Variants in ANKS1B observed in about 807,000 individuals in gnomAD.
The protein encoded by ANKS1B is ankyrin repeat and sterile alpha motif domain containing 1B, also known as ankyrin repeat and sterile alpha motif domain-containing protein 1B.
In ANKS1B, 36 loss-of-function variants were observed where a neutral mutation model predicts 148.3. The ratio of observed to expected loss-of-function variants is 0.24; its 90% CI spans 0.19 to 0.32. ANKS1B has a LOEUF of 0.32. ANKS1B is among the 10% of genes least tolerant of loss of function. ANKS1B has a pLI of 1.00. For missense variants in ANKS1B, 1,157 were observed against 1,542.6 expected (o/e 0.75, Z 4.19); for synonymous variants, 542 against 560.8 (o/e 0.97, Z 0.47).
chr12:99,860,935 T>C (rs1191370603), intron 1 of ANKS1B, among the ~76,000 whole-genome samples: 1 of 152,200 alleles, frequency 6.6e-6, no homozygotes, highest in African/African-American at 2.4e-5. Context: ...CTTTGAGTCC[T>C]ATGTAAAGAA....
intron 8 of ANKS1B, among the ~76,000 whole-genome samples, chr12:99,742,064 A>G (rs917287512): frequency 9.9e-5 from 15 of 152,188 alleles, no homozygotes; most frequent in Middle Eastern, 3.4e-3. Flanking sequence ...GAACACATGG[A>G]CACATACAGC....
chr12:99,899,912 TC>T (rs67813216), intron 1 of ANKS1B, among the ~76,000 whole-genome samples: 25,285 of 150,850 alleles, frequency 0.17, 2,640 homozygotes, highest in Non-Finnish European at 0.24. Flanking sequence ...TTTTTTTTTT[TC>T]TTTTAGATGG....
intron 15 of ANKS1B, among the ~76,000 whole-genome samples, chr12:99,108,103 T>A (rs2059600603): frequency 6.6e-6 from 1 of 152,192 alleles, no homozygotes; most frequent in African/African-American, 2.4e-5. Flanking sequence ...CATAGCTACA[T>A]TACTGCAAGA....
chr12:99,543,820 A>T (rs2097149130), intron 9 of ANKS1B, among the ~76,000 whole-genome samples: 1 of 152,172 alleles, frequency 6.6e-6, no homozygotes, highest in South Asian at 2.1e-4. Flanking sequence ...ATAAAGGTGT[A>T]TGCCAACTTA....
chr12:98,800,940 T>C, intron 21 of ANKS1B, 57 bp downstream of exon 21: 1 of 1,559,820 alleles, frequency 6.4e-7, no homozygotes, highest in South Asian at 1.2e-5. Context: ...GCAAACAAGC[T>C]GAAAACATAC....
intron 1 of ANKS1B, among the ~76,000 whole-genome samples, chr12:99,838,808 T>G (rs976825495): frequency 4.6e-5 from 7 of 152,136 alleles, no homozygotes; most frequent in African/African-American, 1.2e-4. Flanking sequence ...TATTTCCCAA[T>G]GGAATAAACT....
At chr12:99,741,224 C>CACACACAA (rs2060075927) in intron 8 of ANKS1B, among the ~76,000 whole-genome samples, 1 of 151,380 alleles carries the variant, frequency 6.6e-6, no homozygotes, top group African/African-American at 2.4e-5. Flanking sequence ...CACACACACA[C>CACACACAA]ACACACACAC....
chr12:99,210,856 T>G (rs545469114), intron 14 of ANKS1B, among the ~76,000 whole-genome samples: 1 of 152,352 alleles, frequency 6.6e-6, no homozygotes, highest in South Asian at 2.1e-4. Context: ...TCAGAAACTA[T>G]TTGTGAGGAT....
chr12:98,962,024 C>T lies in ANKS1B; in HGVS notation c.2778+91133G>A, dbSNP rs117032555. Among the ~76,000 whole-genome samples the T allele has an allele frequency of 1.5e-3, 222 of 150,032 alleles. 4 individuals carry two copies. The East Asian group carries it at 0.034, about 23-fold the overall frequency. On this transcript the variant is annotated intron_variant, in intron 17 of 26. Transcript: ENST00000683438. ...AAGAAGGAAGGAAGGAAGAGAAGACCGCAAAACAACCAGGAAACAAATATC... is the reference window on the plus strand; with the variant it reads ...AAGAAGGAAGGAAGGAAGAGAAGACTGCAAAACAACCAGGAAACAAATATC...
chr12:99,066,617 T>C (rs73386569), intron 16 of ANKS1B, among the ~76,000 whole-genome samples: 13,026 of 152,172 alleles, frequency 0.086, 1,398 homozygotes, highest in African/African-American at 0.25. Context: ...GGCTTACATT[T>C]CAGCAGAATC....
chr12:99,688,957 T>G (rs1407378091), intron 8 of ANKS1B, among the ~76,000 whole-genome samples: 1 of 152,164 alleles, frequency 6.6e-6, no homozygotes, highest in Non-Finnish European at 1.5e-5. Context: ...AAGGGTTCCA[T>G]TGTGTATAAA....
chr12:98,925,985 G>A (rs762937917), intron 17 of ANKS1B, among the ~76,000 whole-genome samples: 26 of 152,132 alleles, frequency 1.7e-4, no homozygotes, highest in Non-Finnish European at 2.8e-4. Context: ...ACTGGATAAT[G>A]AGATGTGTTT....
chr12:98,844,673 C>T (rs1174777298), intron 17 of ANKS1B, among the ~76,000 whole-genome samples: 1 of 152,110 alleles, frequency 6.6e-6, no homozygotes, highest in Non-Finnish European at 1.5e-5. Context: ...TAAGTGGATT[C>T]ACAGCTGGTT....
chr12:99,542,530 G>T (rs926114674), intron 9 of ANKS1B, among the ~76,000 whole-genome samples: 1 of 151,944 alleles, frequency 6.6e-6, no homozygotes, highest in East Asian at 1.9e-4. Flanking sequence ...AAAAAAATCC[G>T]TGGTGCTTTT....
chr12:99,643,358 AT>A (rs2098328955), intron 9 of ANKS1B, among the ~76,000 whole-genome samples: 1 of 152,214 alleles, frequency 6.6e-6, no homozygotes, highest in African/African-American at 2.4e-5. Context: ...CTAAAATTCA[AT>A]GATATGACAA....
chr12:99,390,888 G>T (rs1045636692), intron 12 of ANKS1B, among the ~76,000 whole-genome samples: 16 of 152,236 alleles, frequency 1.1e-4, no homozygotes, highest in Non-Finnish European at 1.8e-4. Context: ...AGGAAAGACA[G>T]ATGGCCGACC....
At chr12:99,696,124 G>A (rs764169889) in intron 8 of ANKS1B, among the ~76,000 whole-genome samples, 2 of 151,958 alleles carry the variant, frequency 1.3e-5, no homozygotes, top group African/African-American at 2.4e-5. Flanking sequence ...ATTAAAAAGA[G>A]AAATTTTTTT....
chr12:99,807,832 C>T lies in ANKS1B; in HGVS notation c.373-1132G>A, dbSNP rs73389942. 3.0e-3 allele frequency among the ~76,000 whole-genome samples: 452 copies of T among 152,196 alleles called. 2 individuals carry two copies. Among genetic ancestry groups the T allele is most frequent in the African/African-American group, 0.01 (431 of 41,544 alleles). ...AAAGTGGGTGTTCTTAACCATCACA[C>T]ATACCACCTTCCAAAATAGGAACTA... On this transcript the variant is annotated intron_variant, in intron 3 of 26. Transcript: ENST00000683438.
intron 17 of ANKS1B, among the ~76,000 whole-genome samples, chr12:98,840,040 G>A (rs1291440211): frequency 6.6e-6 from 1 of 152,076 alleles, no homozygotes; most frequent in Non-Finnish European, 1.5e-5. Context: ...ACAACTCAAA[G>A]GTGATCTCTA....
Sources: allele counts gnomAD v4.1 joint callset (sites outside exome capture counted in the v4.1 genomes callset), GRCh38; gene constraint gnomAD v4.1.1; transcripts MANE v1.5; gene names NCBI Gene and HGNC (gene_info 2026-07-23, HGNC 2026-07-21).